Variants in BARD1 observed in about 807,000 individuals in gnomAD.
BARD1 encodes the protein BRCA1-associated RING domain protein 1.
Under a neutral mutation model 77.0 loss-of-function variants are expected in BARD1, and 73 were observed. The observed-to-expected ratio is 0.95, with a 90% CI of 0.79 to 1.15. The LOEUF is 1.15. Among genes scored for constraint, BARD1 ranks in the 50% most tolerant of loss-of-function variants. The pLI, the probability that BARD1 is intolerant of heterozygous loss-of-function variation, is 0.00. For missense variants in BARD1, 993 were observed against 938.8 expected, an observed-to-expected ratio of 1.06 and a Z score of -0.75; for synonymous variants, 384 against 338.0, an observed-to-expected ratio of 1.14 and a Z score of -1.49.
At chr2:214,792,082 G>T (rs923053685) in intron 3 of BARD1, among the ~76,000 whole-genome samples, 3 of 151,574 alleles carry the variant, frequency 2.0e-5, no homozygotes, top group Non-Finnish European at 2.9e-5. Flanking sequence ...AGGCTGAGGT[G>T]GGGGGAATCC....
At chr2:214,766,641 G>A (rs539142131) in intron 6 of BARD1, among the ~76,000 whole-genome samples, 21 of 152,166 alleles carry the variant, frequency 1.4e-4, no homozygotes, top group Non-Finnish European at 1.9e-4. Flanking sequence ...ATGTGCCGCT[G>A]CTCAAGTTTC....
At chr2:214,744,813 A>C (rs947083520) in intron 9 of BARD1, among the ~76,000 whole-genome samples, 2 of 151,768 alleles carry the variant, frequency 1.3e-5, no homozygotes, top group African/African-American at 4.8e-5. Flanking sequence ...TTGTATTTTT[A>C]GTAGAGACAG....
At chr2:214,796,129 A>G (rs766272624) in intron 2 of BARD1, among the ~76,000 whole-genome samples, 11 of 152,196 alleles carry the variant, frequency 7.2e-5, no homozygotes, top group Non-Finnish European at 1.6e-4. Flanking sequence ...AGGAGACTAT[A>G]TTTTCCCTGT....
At chr2:214,745,876 C>T (rs749650572) in intron 7 of BARD1, 22 bp from the exon 8 acceptor site, 5 of 1,613,454 alleles carry the variant, frequency 3.1e-6, no homozygotes, top group Middle Eastern at 1.7e-4. Flanking sequence ...AAAGGAGATA[C>T]CAGTGTTAAA....
At chr2:214,789,967 C>G (rs1277816616) in intron 3 of BARD1, among the ~76,000 whole-genome samples, 1 of 152,124 alleles carries the variant, frequency 6.6e-6, no homozygotes, top group Non-Finnish European at 1.5e-5. Context: ...ATCTCCAACT[C>G]TACTTAGATG....
intron 9 of BARD1, 57 bp from the exon 10 acceptor site, chr2:214,730,565 C>T (rs1692312420): frequency 7.1e-7 from 1 of 1,404,556 alleles, no homozygotes; most frequent in Non-Finnish European, 1.0e-6. Flanking sequence ...CTATATCTCT[C>T]TCATTAAAAT....
chr2:214,786,486 A>G (rs112371537), intron 3 of BARD1, among the ~76,000 whole-genome samples: 100 of 152,080 alleles, frequency 6.6e-4, no homozygotes, highest in African/African-American at 2.3e-3. Context: ...CTTTCACCTC[A>G]TATTTCTTGA....
At chr2:214,729,801 T>A (rs1296031731) in intron 10 of BARD1, among the ~76,000 whole-genome samples, 1 of 152,148 alleles carries the variant, frequency 6.6e-6, no homozygotes, top group Admixed American at 6.5e-5. Context: ...TATCCAATTC[T>A]GCCCATCCAC....
chr2:214,783,143 A>G (rs1695115771), intron 3 of BARD1, among the ~76,000 whole-genome samples: 1 of 152,158 alleles, frequency 6.6e-6, no homozygotes, highest in Non-Finnish European at 1.5e-5. Flanking sequence ...AGAAAAAGTC[A>G]GCCCTCTGTA....
chr2:214,726,653 T>C lies in BARD1; in HGVS notation c.*2023A>G, dbSNP rs1016964630. On this transcript the variant is annotated 3_prime_UTR_variant, in exon 11 of 11. Transcript: ENST00000260947. ...TATATGGAAACACAAATAACTTTAA[T>C]GATTTGTGGTAAAAAAGAAGGAAGC... is the stretch of plus-strand genomic sequence containing the variant. The C allele has an allele frequency of 4.4e-6, 1 of 229,876 alleles. No homozygotes were observed. Among genetic ancestry groups the C allele is most frequent in the African/African-American group, 2.2e-5 (1 of 45,176 alleles). 14.2% of individuals were successfully genotyped at this position (229,876 alleles called of 1,614,324 possible).
chr2:214,778,407 C>T (rs1684839631), intron 4 of BARD1, among the ~76,000 whole-genome samples: 1 of 151,964 alleles, frequency 6.6e-6, no homozygotes, highest in South Asian at 2.1e-4. Context: ...AATCTGACAA[C>T]TGGTGACAAT....
chr2:214,745,002 T>C, intron 9 of BARD1, 65 bp downstream of exon 9: 1 of 1,346,722 alleles, frequency 7.4e-7, no homozygotes, highest in Non-Finnish European at 1.1e-6. Flanking sequence ...ATCACAGGCA[T>C]TAATAACCAT....
intron 3 of BARD1, among the ~76,000 whole-genome samples, chr2:214,786,400 A>G (rs1258381430): frequency 6.6e-6 from 1 of 151,968 alleles, no homozygotes; most frequent in Non-Finnish European, 1.5e-5. Flanking sequence ...TACCAGCTTA[A>G]AATTATTAAT....
intron 4 of BARD1, among the ~76,000 whole-genome samples, chr2:214,773,986 T>C (rs929447965): frequency 3.3e-5 from 5 of 152,224 alleles, no homozygotes; most frequent in African/African-American, 1.2e-4. Flanking sequence ...TTCAACAGTG[T>C]TCACAACATC....
In BARD1 at chr2:214,725,721, A is replaced by G. The variant is rs545188696; in HGVS notation, c.*2955T>C. ...AAAGGGTTGACTTATAAAGAAATAC[A>G]TGAAGTTTACAATCTGTAGCTCAAT... On this transcript the variant is annotated 3_prime_UTR_variant, in exon 11 of 11. Transcript: ENST00000260947. 15 of 224,432 alleles carry G rather than the reference A, an allele frequency of 6.7e-5. No individual in the cohort carries two copies. The highest frequency in any genetic ancestry group is 3.1e-4 in the African/African-American group (14 of 45,026). The allele number at this position is 224,432 out of a possible 1,614,324, so 13.9% of individuals were successfully genotyped here. A position where few individuals can be genotyped will look rare whatever the true frequency, so the allele number is the denominator to read the frequency against.
chr2:214,802,725 TTC>T (rs1301395670), intron 1 of BARD1, among the ~76,000 whole-genome samples: 3 of 152,206 alleles, frequency 2.0e-5, no homozygotes, highest in Admixed American at 1.3e-4. Flanking sequence ...TTACCCTATT[TTC>T]TGTTTGATAT....
At chr2:214,767,742 T>C in intron 5 of BARD1, 88 bp from the exon 6 acceptor site, 1 of 1,259,034 alleles carries the variant, frequency 7.9e-7, no homozygotes. Flanking sequence ...GAAAAATAAA[T>C]GTAAACGTCA....
In BARD1 at chr2:214,809,681, T is replaced by G; in HGVS notation, c.-112A>C. ...CGAAACCGGCCAAGCTCTTCCCGCG[T>G]CTGGGACGGCGGGCCGCCAGAGGGG... On this transcript the variant is annotated 5_prime_UTR_variant, in exon 1 of 11. Coordinates refer to ENST00000260947, the MANE Select transcript of BARD1 (RefSeq NM_000465.4). The G allele has an allele frequency of 3.5e-6, 5 of 1,420,340 alleles. No individual in the cohort carries two copies. The South Asian group carries it at 6.3e-5, about 18-fold the overall frequency. 88.0% of individuals were successfully genotyped at this position (1,420,340 alleles called of 1,614,324 possible). A position where few individuals can be genotyped will look rare whatever the true frequency, so the allele number is the denominator to read the frequency against.
intron 3 of BARD1, among the ~76,000 whole-genome samples, chr2:214,789,877 A>G (rs1695437468): frequency 6.6e-6 from 1 of 152,162 alleles, no homozygotes; most frequent in African/African-American, 2.4e-5. Flanking sequence ...GTAAGGACTA[A>G]AATAATTATT....
Sources: gnomAD v4.1 joint callset for allele counts (sites outside exome capture counted in the v4.1 genomes callset) on GRCh38, gnomAD v4.1.1 for gene constraint, MANE v1.5 for transcripts, NCBI Gene and HGNC (gene_info 2026-07-23, HGNC 2026-07-21) for gene names.